The following STARD13 variants were observed in gnomAD, a reference collection of about 807,000 sequenced individuals.
STARD13 encodes the protein stAR-related lipid transfer protein 13.
In STARD13, 62 loss-of-function variants were observed where a neutral mutation model predicts 106.4. That is an observed-to-expected ratio of 0.58 (90% confidence interval 0.48 to 0.72). The LOEUF (loss-of-function observed/expected upper bound fraction) is 0.72, where lower values mean the gene tolerates loss of function less well. Among genes scored for constraint, STARD13 ranks in the 30% least tolerant of loss-of-function variants. The probability of loss-of-function intolerance (pLI) is 0.00; values close to 1 mark genes in which losing one functional copy is unlikely to be tolerated. For synonymous variants in STARD13, 565 were observed against 553.0 expected (o/e 1.02, Z -0.31); for missense variants, 1,387 against 1,424.0 (o/e 0.97, Z 0.42).
intron 1 of STARD13, among the ~76,000 whole-genome samples, chr13:33,226,524 T>G (rs1231673584): frequency 6.8e-6 from 1 of 148,020 alleles, no homozygotes; most frequent in East Asian, 2.0e-4. Flanking sequence ...AACCTCCACC[T>G]CCTGAGTTCA....
At chr13:33,519,208 T>TTTCTGTC in the STARD13 span, among the ~76,000 whole-genome samples, 1 of 101,530 alleles carries the variant, frequency 9.8e-6, no homozygotes, top group African/African-American at 4.6e-5. Flanking sequence ...CTTGGTAATT[T>TTTCTGTC]TTTCTTTCTT....
At chr13:33,336,793 C>T (rs957248877) in intron 1 of STARD13, 1 of 147,296 alleles carries the variant, frequency 6.8e-6, no homozygotes, top group Non-Finnish European at 1.5e-5. Context: ...ACTTGTGTTC[C>T]TGTTCAGAAC....
chr13:33,674,296 A>G, the STARD13 span, among the ~76,000 whole-genome samples: 14 of 152,400 alleles, frequency 9.2e-5, no homozygotes, highest in East Asian at 2.7e-3. Flanking sequence ...ACAATGAAAT[A>G]TTCTTCAAAT....
At chr13:33,211,821 GTGTGTA>G (rs1004904822) in intron 1 of STARD13, among the ~76,000 whole-genome samples, 3 of 134,050 alleles carry the variant, frequency 2.2e-5, no homozygotes, top group African/African-American at 8.8e-5. Flanking sequence ...GTGTGTGTGT[GTGTGTA>G]TGTGTGTGTG....
chr13:33,143,852 G>T (rs1462894972), intron 3 of STARD13, among the ~76,000 whole-genome samples: 1 of 152,112 alleles, frequency 6.6e-6, no homozygotes, highest in African/African-American at 2.4e-5. Context: ...CGCCCAGCTT[G>T]TTTCCAGTTT....
At chr13:33,649,029 G>C in the STARD13 span, among the ~76,000 whole-genome samples, 1 of 151,826 alleles carries the variant, frequency 6.6e-6, no homozygotes, top group Non-Finnish European at 1.5e-5. Flanking sequence ...CCCGACCTGA[G>C]GTGATCGCCT....
rs866479591 is a variant in STARD13 at position 33,297,111 on chromosome 13, G to A, written c.124+53179C>T. Among the ~76,000 whole-genome samples the A allele has an allele frequency of 5.3e-5, 8 of 152,346 alleles. 1 individual carries two copies. In the South Asian group the frequency reaches 8.3e-4, roughly 16 times the overall value. On this transcript the variant is annotated intron_variant, in intron 1 of 5. Coordinates refer to the STARD13 transcript ENST00000567873. ...TGCATGAAGATACAGAGACTCCTGA[G>A]ATTTTTTAACCATTTATCTTTACAG...
the STARD13 span, among the ~76,000 whole-genome samples, chr13:33,643,035 C>T: frequency 1.3e-5 from 2 of 151,928 alleles, no homozygotes; most frequent in Non-Finnish European, 2.9e-5. Flanking sequence ...TCCAGCTGCT[C>T]GGGAAAGGAG....
intron 12 of STARD13, among the ~76,000 whole-genome samples, chr13:33,107,417 A>T (rs192794205): frequency 6.6e-6 from 1 of 152,160 alleles, no homozygotes; most frequent in Non-Finnish European, 1.5e-5. Context: ...CACTGGTAAG[A>T]TTATGCACAG....
chr13:33,362,717 C>T, the STARD13 span, among the ~76,000 whole-genome samples: 1 of 152,182 alleles, frequency 6.6e-6, no homozygotes, highest in Non-Finnish European at 1.5e-5. Context: ...GGAAGCCTTT[C>T]CTGACCATTT....
rs747027261 is a variant in STARD13 at position 33,112,722 on chromosome 13, G to A, written c.2491C>T (p.Arg831Ter). 5 of 1,594,326 alleles carry A rather than the reference G, an allele frequency of 3.1e-6. No homozygotes were observed. The highest frequency in any genetic ancestry group is 4.3e-6 in the Non-Finnish European group (5 of 1,170,664). The change falls in exon 9 of 14, where the codon CGA becomes TGA. Residue 831 changes from arginine (R) to a stop codon, truncating the protein, a stop_gained and splice_region_variant. Transcript: ENST00000336934. LOFTEE classifies it high-confidence loss of function. ...LNLLKKESSPRVIQKKYATGK... is the reference protein window; with the variant it reads ...LNLLKKESSP ...TTGTTACTGAGAAAAAAAACCCACC[G>A]TGGAGAGCTTTCTTTCTTCAATAAA...
chr13:33,136,342 T>C (rs1392795704), intron 4 of STARD13, among the ~76,000 whole-genome samples: 1 of 152,184 alleles, frequency 6.6e-6, no homozygotes, highest in Non-Finnish European at 1.5e-5. Flanking sequence ...TGTAATTCTT[T>C]TCTATTGATA....
chr13:33,573,558 G>C, the STARD13 span, among the ~76,000 whole-genome samples: 2 of 152,116 alleles, frequency 1.3e-5, no homozygotes, highest in Admixed American at 1.3e-4. Flanking sequence ...AAAACACCTA[G>C]TTTTCCTGAA....
At chr13:33,654,858 A>G in the STARD13 span, 1 of 152,232 alleles carries the variant, frequency 6.6e-6, no homozygotes. Flanking sequence ...ACTTTGATAG[A>G]AAGAATAATA....
chr13:33,409,210 A>G, the STARD13 span, among the ~76,000 whole-genome samples: 1 of 152,112 alleles, frequency 6.6e-6, no homozygotes, highest in African/African-American at 2.4e-5. Flanking sequence ...TGTACGATTT[A>G]TATATCACTT....
At chr13:33,664,869 G>A in the STARD13 span, among the ~76,000 whole-genome samples, 7 of 152,082 alleles carry the variant, frequency 4.6e-5, no homozygotes, top group African/African-American at 7.2e-5. Context: ...CTCATGATCC[G>A]CCCGCCTCGG....
At chr13:33,540,724 C>T in the STARD13 span, among the ~76,000 whole-genome samples, 76 of 152,190 alleles carry the variant, frequency 5.0e-4, no homozygotes, top group Non-Finnish European at 8.7e-4. Context: ...GCTCACAATT[C>T]TTTTTTCAAT....
the STARD13 span, among the ~76,000 whole-genome samples, chr13:33,594,520 A>G: frequency 3.9e-5 from 6 of 152,366 alleles, no homozygotes; most frequent in Non-Finnish European, 1.5e-5. Context: ...GTGGTAAAAT[A>G]TACATAACAA....
the STARD13 span, among the ~76,000 whole-genome samples, chr13:33,370,298 C>A: frequency 6.6e-6 from 1 of 152,128 alleles, no homozygotes; most frequent in African/African-American, 2.4e-5. Context: ...CTCCCAGAAT[C>A]AAATGAATTC....
Sources: allele counts gnomAD v4.1 joint callset (sites outside exome capture counted in the v4.1 genomes callset), GRCh38; gene constraint gnomAD v4.1.1; transcripts MANE v1.5; gene names NCBI Gene and HGNC (gene_info 2026-07-23, HGNC 2026-07-21).